EHBP1: variants seen among roughly 807,000 people sequenced by gnomAD.
The protein encoded by EHBP1 is EH domain binding protein 1.
A neutral mutation model predicts 144.0 loss-of-function variants in EHBP1; 55 were observed. The observed-to-expected ratio is 0.38, with a 90% confidence interval of 0.31 to 0.48. The LOEUF is 0.48. EHBP1 is among the 20% of genes least tolerant of loss of function. The pLI is 0.98. For synonymous variants in EHBP1, 469 were observed against 472.7 expected, an observed-to-expected ratio of 0.99 and a Z score of 0.10; for missense variants, 1,200 against 1,364.2, an observed-to-expected ratio of 0.88 and a Z score of 1.90.
intron 5 of EHBP1, among the ~76,000 whole-genome samples, chr2:62,781,225 T>G (rs1048320371): frequency 1.3e-5 from 2 of 152,166 alleles, no homozygotes; most frequent in Non-Finnish European, 2.9e-5. Flanking sequence ...GGCTTTCTAT[T>G]GAAAGTGATA....
At chr2:62,802,935 G>A (rs2044137423) in intron 5 of EHBP1, among the ~76,000 whole-genome samples, 1 of 152,146 alleles carries the variant, frequency 6.6e-6, no homozygotes, top group East Asian at 1.9e-4. Flanking sequence ...ATGTTGGCCA[G>A]GCTGGTCTCG....
At chr2:62,961,893 A>C (rs2058019486) in intron 14 of EHBP1, among the ~76,000 whole-genome samples, 1 of 152,054 alleles carries the variant, frequency 6.6e-6, no homozygotes, top group African/African-American at 2.4e-5. Context: ...GTCAGGCATG[A>C]CAGCACCGCC....
intron 5 of EHBP1, among the ~76,000 whole-genome samples, chr2:62,809,139 A>C (rs2044743192): frequency 6.6e-6 from 1 of 151,990 alleles, no homozygotes; most frequent in African/African-American, 2.4e-5. Flanking sequence ...AAAAATACAA[A>C]AATTAACCAG....
chr2:62,957,892 C>T (rs374254774), intron 14 of EHBP1, among the ~76,000 whole-genome samples: 84 of 151,882 alleles, frequency 5.5e-4, no homozygotes, highest in African/African-American at 1.3e-3. Flanking sequence ...GTGATCCGCC[C>T]GCCTCGGCCT....
At chr2:62,712,865 A>T (rs1051107541) in intron 2 of EHBP1, among the ~76,000 whole-genome samples, 1 of 152,190 alleles carries the variant, frequency 6.6e-6, no homozygotes, top group Non-Finnish European at 1.5e-5. Flanking sequence ...CTTGGATCAC[A>T]TGTGCATATC....
chr2:62,787,467 G>T (rs1360758459), intron 5 of EHBP1, among the ~76,000 whole-genome samples: 2 of 133,760 alleles, frequency 1.5e-5, no homozygotes, highest in African/African-American at 5.7e-5. Flanking sequence ...CTATATTGAA[G>T]AAAGCCTATC....
At chr2:62,816,272 T>C (rs2045443477) in intron 5 of EHBP1, among the ~76,000 whole-genome samples, 1 of 152,172 alleles carries the variant, frequency 6.6e-6, no homozygotes, top group Admixed American at 6.5e-5. Context: ...TTTACAAAAA[T>C]GTAAAATAGA....
At chr2:62,781,923 A>T (rs1461548427) in intron 5 of EHBP1, among the ~76,000 whole-genome samples, 2 of 152,246 alleles carry the variant, frequency 1.3e-5, no homozygotes, top group Non-Finnish European at 2.9e-5. Flanking sequence ...AGAGAAAACA[A>T]AGCATTTTCA....
chr2:63,019,110 C>T (rs950020442), intron 19 of EHBP1, among the ~76,000 whole-genome samples: 1 of 152,026 alleles, frequency 6.6e-6, no homozygotes, highest in Admixed American at 6.6e-5. Flanking sequence ...ACTTTTATAT[C>T]CATTAAAAAA....
rs181593312 is a variant in EHBP1, at chr2:62,896,059, C to T, written c.1185+21527C>T. ...TAATAGACACTGGATATAATAGACA[C>T]AGTTTCTAACTTTCTGGAGATACTA... On this transcript the variant is annotated intron_variant, in intron 10 of 22. Coordinates refer to ENST00000431489, the MANE Select transcript of EHBP1 (RefSeq NM_001142616.3). Among the ~76,000 whole-genome samples, 56 of 152,198 alleles carry T rather than the reference C, an allele frequency of 3.7e-4. 1 individual carries two copies. Among genetic ancestry groups the T allele is most frequent in the Middle Eastern group, 3.4e-3 (1 of 292 alleles).
chr2:62,679,783 C>T (rs1163223566), intron 1 of EHBP1, among the ~76,000 whole-genome samples: 1 of 152,132 alleles, frequency 6.6e-6, no homozygotes, highest in Non-Finnish European at 1.5e-5. Flanking sequence ...ATTAAGTAAC[C>T]ACTTGACTTC....
chr2:62,960,272 T>C (rs1288120965), intron 14 of EHBP1, among the ~76,000 whole-genome samples: 1 of 152,070 alleles, frequency 6.6e-6, no homozygotes, highest in Non-Finnish European at 1.5e-5. Flanking sequence ...TTCTTACCTC[T>C]CTCATTTTTT....
At position 63,045,212 on chromosome 2, in the gene EHBP1, G is replaced by A. The variant is rs2061900966; in HGVS notation, c.3392+32G>A. 2 of 1,543,992 alleles carry A rather than the reference G, an allele frequency of 1.3e-6. No individual in the cohort carries two copies. Among genetic ancestry groups the A allele is most frequent in the Non-Finnish European group, 1.8e-6 (2 of 1,136,412 alleles). ...GGGCAGTGGGGTCGGGTCGAGGCTG[G>A]GCCACCTGCCGAGGGGCCGAGAAGT... On this transcript the variant is annotated intron_variant, in intron 22 of 22. Coordinates refer to ENST00000431489, the MANE Select transcript of EHBP1 (RefSeq NM_001142616.3). The surrounding 1 kb of genome is among the most constrained non-coding windows in gnomAD (Gnocchi z 5.7).
At chr2:62,978,115 T>C (rs2058797054) in intron 14 of EHBP1, among the ~76,000 whole-genome samples, 1 of 152,196 alleles carries the variant, frequency 6.6e-6, no homozygotes, top group African/African-American at 2.4e-5. Flanking sequence ...GTCTTTGTTT[T>C]ATCATAATAA....
intron 5 of EHBP1, among the ~76,000 whole-genome samples, chr2:62,775,116 A>G (rs2041965557): frequency 6.6e-6 from 1 of 152,202 alleles, no homozygotes; most frequent in Non-Finnish European, 1.5e-5. Context: ...AAGTCTCCAA[A>G]AGAGAATTGG....
At chr2:62,927,248 A>G (rs1284466907) in intron 10 of EHBP1, among the ~76,000 whole-genome samples, 2 of 152,168 alleles carry the variant, frequency 1.3e-5, no homozygotes, top group Non-Finnish European at 2.9e-5. Context: ...TAAAGGATAC[A>G]AAATTACAGC....
At chr2:62,788,073 A>T (rs1442120330) in intron 5 of EHBP1, among the ~76,000 whole-genome samples, 1 of 152,168 alleles carries the variant, frequency 6.6e-6, no homozygotes, top group East Asian at 1.9e-4. Context: ...TAATGCCAGG[A>T]AAAGGGATTT....
At chr2:62,972,036 A>G (rs144113816) in intron 14 of EHBP1, among the ~76,000 whole-genome samples, 57 of 152,310 alleles carry the variant, frequency 3.7e-4, no homozygotes, top group African/African-American at 1.2e-3. Context: ...GGGGTTTCCT[A>G]TGTATTGGAT....
At chr2:62,766,734 A>C (rs945426652) in intron 4 of EHBP1, among the ~76,000 whole-genome samples, 1 of 152,038 alleles carries the variant, frequency 6.6e-6, no homozygotes, top group African/African-American at 2.4e-5. Flanking sequence ...TCTTTCATGA[A>C]GTTTTTCTTG....
Sources: gnomAD v4.1 joint callset for allele counts (sites outside exome capture counted in the v4.1 genomes callset) on GRCh38, gnomAD v4.1.1 for gene constraint, Gnocchi (gnomAD v3.1) non-coding constraint, MANE v1.5 for transcripts, NCBI Gene and HGNC (gene_info 2026-07-23, HGNC 2026-07-21) for gene names.